The following TNS3 variants were observed in gnomAD, a reference collection of about 807,000 sequenced individuals.
TNS3 encodes the protein tensin-3.
A neutral mutation model predicts 140.9 loss-of-function variants in TNS3; 45 were observed. The ratio of observed to expected loss-of-function variants is 0.32; its 90% CI spans 0.25 to 0.41. The LOEUF (loss-of-function observed/expected upper bound fraction) is 0.41, where lower values mean the gene tolerates loss of function less well. Among genes scored for constraint, TNS3 ranks in the 10% least tolerant of loss-of-function variants. The pLI, the probability that TNS3 is intolerant of heterozygous loss-of-function variation, is 1.00. For synonymous variants in TNS3, 815 were observed against 788.4 expected (o/e 1.03, Z -0.56); for missense variants, 1,716 against 1,906.7 (o/e 0.90, Z 1.86).
At chr7:47,291,115 A>G (rs1584324393) in intron 27 of TNS3, among the ~76,000 whole-genome samples, 1 of 152,208 alleles carries the variant, frequency 6.6e-6, no homozygotes, top group African/African-American at 2.4e-5. Flanking sequence ...CTATATGACA[A>G]TACTGGAAAA....
chr7:47,437,332 A>C lies in TNS3; in HGVS notation c.151-19T>G. 1.5e-6 allele frequency: 2 copies of C among 1,307,054 alleles called. No individual in the cohort carries two copies. The highest frequency in any genetic ancestry group is 2.9e-5 in the Admixed American group (1 of 34,740). 81.0% of individuals were successfully genotyped at this position (1,307,054 alleles called of 1,614,324 possible). A position where few individuals can be genotyped will look rare whatever the true frequency, so the allele number is the denominator to read the frequency against. On this transcript the variant is annotated intron_variant, in intron 6 of 30. Coordinates refer to ENST00000311160, the MANE Select transcript of TNS3 (RefSeq NM_022748.12). ...TTAATACCTATAAAAGAGAGGAAAA[A>C]TTGCCTTGCATAAAATAGATTTTAA...
In TNS3 at chr7:47,392,190, C is replaced by A. The variant is rs147860613; in HGVS notation, c.1024+4610G>T. On this transcript the variant is annotated intron_variant, in intron 16 of 30. Coordinates refer to ENST00000311160, the MANE Select transcript of TNS3 (RefSeq NM_022748.12). ...GAACACTGACACGACTGCCGTCCCC[C>A]GCAGCCACCACCTGCCAGGACCACA... 9.6e-3 allele frequency among the ~76,000 whole-genome samples: 1,290 copies of A among 134,862 alleles called. 17 individuals are homozygous for A. The highest frequency in any genetic ancestry group is 0.03 in the African/African-American group (1,233 of 40,854). The allele number at this position is 134,862 out of a possible 152,430, so 88.5% of individuals were successfully genotyped here. A position where few individuals can be genotyped will look rare whatever the true frequency, so the allele number is the denominator to read the frequency against.
At chr7:47,309,212 G>A (rs1786935759) in intron 20 of TNS3, among the ~76,000 whole-genome samples, 1 of 152,078 alleles carries the variant, frequency 6.6e-6, no homozygotes, top group African/African-American at 2.4e-5. Context: ...TGTTCAGTCA[G>A]GATAATAAAT....
chr7:47,339,007 T>C (rs888602677), intron 20 of TNS3, among the ~76,000 whole-genome samples: 2 of 152,186 alleles, frequency 1.3e-5, no homozygotes, highest in African/African-American at 4.8e-5. Context: ...GCATCTGTTG[T>C]TTTTCGACTT....
chr7:47,500,120 A>G (rs1798156982), intron 3 of TNS3, among the ~76,000 whole-genome samples: 1 of 152,174 alleles, frequency 6.6e-6, no homozygotes, highest in South Asian at 2.1e-4. Flanking sequence ...CACTTGGCAA[A>G]CATAGGTGGA....
At chr7:47,366,159 TC>T (rs1790685969) in intron 17 of TNS3, among the ~76,000 whole-genome samples, 2 of 152,334 alleles carry the variant, frequency 1.3e-5, no homozygotes, top group South Asian at 4.1e-4. Flanking sequence ...GATAGTTTTT[TC>T]CCATTAGAGC....
chr7:47,478,642 A>G (rs1027062497), intron 4 of TNS3, among the ~76,000 whole-genome samples: 13 of 152,130 alleles, frequency 8.5e-5, no homozygotes, highest in Non-Finnish European at 1.9e-4. Flanking sequence ...AAACCTTCAT[A>G]TAAACAATTA....
intron 8 of TNS3, among the ~76,000 whole-genome samples, chr7:47,432,289 C>T (rs1378294140): frequency 6.6e-6 from 1 of 152,142 alleles, no homozygotes; most frequent in African/African-American, 2.4e-5. Flanking sequence ...AGGAGTAGAA[C>T]TGGTGGCTTT....
intron 13 of TNS3, among the ~76,000 whole-genome samples, chr7:47,402,382 C>T (rs1271932281): frequency 6.6e-6 from 1 of 152,294 alleles, no homozygotes; most frequent in African/African-American, 2.4e-5. Context: ...GGAACCAGGG[C>T]GTTTGCAAGT....
At chr7:47,424,959 C>T (rs1249978142) in intron 9 of TNS3, among the ~76,000 whole-genome samples, 1 of 152,216 alleles carries the variant, frequency 6.6e-6, no homozygotes. Flanking sequence ...ATGACTTCAG[C>T]ACAAATCCTG....
chr7:47,564,993 G>A (rs897447941), intron 1 of TNS3, among the ~76,000 whole-genome samples: 2 of 152,050 alleles, frequency 1.3e-5, no homozygotes, highest in Non-Finnish European at 2.9e-5. Context: ...AGCTCAGTCT[G>A]CATCTCTATG....
chr7:47,497,940 G>A (rs933519540), intron 3 of TNS3, among the ~76,000 whole-genome samples: 1 of 152,126 alleles, frequency 6.6e-6, no homozygotes, highest in African/African-American at 2.4e-5. Flanking sequence ...TCTTCTCTGG[G>A]TGTCCCACTC....
chr7:47,492,210 ATGGCTC>A (rs1797840123), intron 3 of TNS3, among the ~76,000 whole-genome samples: 1 of 152,152 alleles, frequency 6.6e-6, no homozygotes, highest in Non-Finnish European at 1.5e-5. Flanking sequence ...GCTTTCTGTC[ATGGCTC>A]TGGCCACCCC....
chr7:47,503,855 G>C (rs1798315733), intron 3 of TNS3, among the ~76,000 whole-genome samples: 1 of 152,070 alleles, frequency 6.6e-6, no homozygotes, highest in African/African-American at 2.4e-5. Context: ...CATAGAGGGT[G>C]CCTTCTTGCC....
Position 47,415,117 on chromosome 7 carries a change from G to T in TNS3, c.563C>A (p.Thr188Asn). Residue 188 changes from threonine to asparagine, a missense_variant, in exon 11 of 31, where the codon ACC becomes AAC. Transcript: ENST00000311160. The stretch of plus-strand genomic sequence containing the variant: ...ACCTCCACCTGTGTCGAAGTTGGGG[G>T]TGCCGTGGAGGATGACAAAATGCAG... ...LFLHFVILHGTPNFDTGGVCR... is the reference protein window; with the variant it reads ...LFLHFVILHGNPNFDTGGVCR... The T allele has an allele frequency of 6.2e-7, 1 of 1,612,144 alleles. No homozygotes were observed. Among genetic ancestry groups the T allele is most frequent in the Non-Finnish European group, 8.5e-7 (1 of 1,179,268 alleles).
At chr7:47,445,507 CA>C (rs1312224428) in intron 4 of TNS3, among the ~76,000 whole-genome samples, 1 of 152,206 alleles carries the variant, frequency 6.6e-6, no homozygotes, top group African/African-American at 2.4e-5. Flanking sequence ...CCCTCTCCTG[CA>C]CAGGCTGCCC....
intron 2 of TNS3, among the ~76,000 whole-genome samples, chr7:47,526,852 T>C (rs1799211129): frequency 6.6e-6 from 1 of 152,258 alleles, no homozygotes; most frequent in Non-Finnish European, 1.5e-5. Context: ...TCTGTGCTGC[T>C]GGTTTCATGG....
chr7:47,428,685 G>A (rs1010208021), intron 8 of TNS3, among the ~76,000 whole-genome samples: 3 of 152,174 alleles, frequency 2.0e-5, no homozygotes, highest in Non-Finnish European at 4.4e-5. Flanking sequence ...GGAAAAAACT[G>A]TGCCAGGAGC....
chr7:47,493,204 C>A (rs1797877122), intron 3 of TNS3, among the ~76,000 whole-genome samples: 1 of 152,216 alleles, frequency 6.6e-6, no homozygotes, highest in African/African-American at 2.4e-5. Context: ...AAAGGAATAG[C>A]ACAAATAAGT....
Sources: gnomAD v4.1 joint callset for allele counts (sites outside exome capture counted in the v4.1 genomes callset) on GRCh38, gnomAD v4.1.1 for gene constraint, MANE v1.5 for transcripts, NCBI Gene and HGNC (gene_info 2026-07-23, HGNC 2026-07-21) for gene names.